The following SPIC variants were observed in gnomAD, a reference collection of about 807,000 sequenced individuals.
The protein encoded by SPIC is transcription factor Spi-C.
SPIC carries 9 observed loss-of-function variants against 16.7 expected under a neutral mutation model. That is an observed-to-expected ratio of 0.54 (90% CI 0.33 to 0.94). SPIC has a LOEUF of 0.94. Ranked by LOEUF, SPIC falls within the 40% of genes least tolerant of loss-of-function variation. SPIC has a pLI of 0.03. For missense variants in SPIC, 241 were observed against 285.8 expected (o/e 0.84, Z 1.13); for synonymous variants, 97 against 102.9 (o/e 0.94, Z 0.35).
intron 2 of SPIC, 123 bp from the exon 3 acceptor site, chr12:101,477,435 C>T (rs758109430): frequency 6.8e-6 from 6 of 880,004 alleles, no homozygotes; most frequent in Non-Finnish European, 1.1e-5. Flanking sequence ...AGACAGCCAA[C>T]ACCAAATGCC....
At chr12:101,479,316 AAAG>A (rs1319308924) in intron 3 of SPIC, among the ~76,000 whole-genome samples, 1 of 129,098 alleles carries the variant, frequency 7.7e-6, no homozygotes, top group African/African-American at 3.0e-5. Context: ...AAAAAGAAAG[AAAG>A]AAAGAAAGAA....
At chr12:101,479,311 GAAAGAAAGAAAGAAAGAAAGAAA>G (rs1873107371) in intron 3 of SPIC, among the ~76,000 whole-genome samples, 1 of 102,380 alleles carries the variant, frequency 9.8e-6, no homozygotes. Context: ...AAAGAAAAAA[GAAAGAAAGAAAGAAAGAAAGAAA>G]GAAAGAAAGA....
At chr12:101,479,818 C>CT (rs35835395) in intron 4 of SPIC, 124 bp downstream of exon 4, 172,036 of 362,326 alleles carry the variant, frequency 0.47, 31,148 homozygotes, top group African/African-American at 0.71. Flanking sequence ...TTTTTTCTTT[C>CT]TTTTTTTTTT....
Position 101,482,905 on chromosome 12 carries a change from G to C in SPIC, c.319+5G>C. 6.2e-7 allele frequency: 1 copy of C among 1,611,630 alleles called. No individual in the cohort carries two copies. Among genetic ancestry groups the C allele is most frequent in the Non-Finnish European group, 8.5e-7 (1 of 1,178,022 alleles). On this transcript the variant is annotated splice_donor_5th_base_variant and intron_variant, in intron 5 of 5. Transcript: ENST00000551346. ...TCCAGCAAAAGGGGGGAAAAGGTAC[G>C]TTGATCCATCATTCGTTATACAGGT...
chr12:101,477,362 T>C (rs1425497277), intron 2 of SPIC, among the ~76,000 whole-genome samples, 196 bp from the exon 3 acceptor site: 1 of 152,004 alleles, frequency 6.6e-6, no homozygotes, highest in Non-Finnish European at 1.5e-5. Context: ...TGGCAACCAG[T>C]GGGTAGGGGT....
At position 101,486,518 on chromosome 12, in the gene SPIC, C is replaced by T; in HGVS notation, c.494C>T (p.Thr165Ile). 6.2e-7 allele frequency: 1 copy of T among 1,614,204 alleles called. No homozygotes were observed. Residue 165 changes from threonine to isoleucine, a missense_variant, in exon 6 of 6, where the codon ACT becomes ATT. By Grantham distance (89) the Thr-to-Ile change is moderately conservative. Transcript: ENST00000551346. Reference protein sequence around the residue: ...GKRKGNRKTMTYQKMARALRN... With the variant: ...GKRKGNRKTMIYQKMARALRN... The stretch of plus-strand genomic sequence containing the variant: ...AGAAAAGGCAACAGGAAGACCATGA[C>T]TTACCAGAAAATGGCCAGGGCACTC...
At chr12:101,482,140 G>C (rs1422746313) in intron 4 of SPIC, among the ~76,000 whole-genome samples, 2 of 150,992 alleles carry the variant, frequency 1.3e-5, no homozygotes, top group Non-Finnish European at 3.0e-5. Context: ...GCTGAGGCAG[G>C]AGAATCGCTT....
chr12:101,484,377 T>TA (rs1171478426), intron 5 of SPIC, among the ~76,000 whole-genome samples: 62 of 150,842 alleles, frequency 4.1e-4, no homozygotes, highest in East Asian at 1.4e-3. Flanking sequence ...CTACAAAAAA[T>TA]AAAAAAAATT....
chr12:101,483,087 T>TTTTG lies in SPIC; in HGVS notation c.319+190_319+191insGTTT, dbSNP rs1293611029. 6.0e-5 allele frequency among the ~76,000 whole-genome samples: 3 copies of TTTTG among 49,752 alleles called. No individual in the cohort carries two copies. In the East Asian group the frequency reaches 6.4e-4, roughly 11 times the overall value. The allele number at this position is 49,752 out of a possible 152,430, so 32.6% of individuals were successfully genotyped here. A position where few individuals can be genotyped will look rare whatever the true frequency, so the allele number is the denominator to read the frequency against. ...TTCATCTTGGGTGAGACTTCCTGTG[T>TTTTG]TTTTTTTTTTTTTTTTCTGAGACAG... On this transcript the variant is annotated intron_variant, in intron 5 of 5. Transcript: ENST00000551346.
chr12:101,486,319 T>C (rs1414990894), intron 5 of SPIC, 25 bp from the exon 6 acceptor site: 1 of 1,583,026 alleles, frequency 6.3e-7, no homozygotes, highest in South Asian at 1.2e-5. Flanking sequence ...ACGGTGGAGT[T>C]TGACCTTGTT....
intron 4 of SPIC, among the ~76,000 whole-genome samples, chr12:101,481,949 G>A (rs1873213534): frequency 7.5e-6 from 1 of 132,926 alleles, no homozygotes. Flanking sequence ...CACCATGCCT[G>A]GCGTACAAAA....
At chr12:101,479,284 A>AGG (rs1384765311) in intron 3 of SPIC, among the ~76,000 whole-genome samples, 1,238 of 61,342 alleles carry the variant, frequency 0.02, 99 homozygotes, top group Middle Eastern at 0.057. Context: ...GAAAGAAAGA[A>AGG]AAAGAAAGAA....
chr12:101,482,477 A>G (rs1439427326), intron 4 of SPIC, among the ~76,000 whole-genome samples: 1 of 152,140 alleles, frequency 6.6e-6, no homozygotes, highest in African/African-American at 2.4e-5. Flanking sequence ...CTACATGGGC[A>G]TCCAACACAG....
rs367699711 is a variant in SPIC, at chr12:101,483,396, A to G, written c.319+496A>G. ...ATAACACATAGAGCTGTCATCTCCT[A>G]TGATAACAGCGCCTTCTGGAATACC... On this transcript the variant is annotated intron_variant, in intron 5 of 5. Coordinates refer to ENST00000551346, the MANE Select transcript of SPIC (RefSeq NM_152323.3). Among the ~76,000 whole-genome samples, 21 of 152,188 alleles carry G rather than the reference A, an allele frequency of 1.4e-4. 1 individual carries two copies. The highest frequency in any genetic ancestry group is 4.3e-4 in the African/African-American group (18 of 41,526).
chr12:101,479,217 AAAGAAGG>A (rs1565831101), intron 3 of SPIC, among the ~76,000 whole-genome samples: 23 of 128,274 alleles, frequency 1.8e-4, no homozygotes, highest in South Asian at 5.6e-4. Context: ...AGAAAGAAAG[AAAGAAGG>A]AAAGAAAGAA....
chr12:101,477,972 C>T (rs1406688185), intron 3 of SPIC, among the ~76,000 whole-genome samples: 1 of 152,060 alleles, frequency 6.6e-6, no homozygotes, highest in Non-Finnish European at 1.5e-5. Context: ...CGAGATGGCG[C>T]CACTGTATTC....
rs780106040 is a variant in SPIC at position 101,486,716 on chromosome 12, C to A, written c.692C>A (p.Ala231Glu). 6 of 1,604,246 alleles carry A rather than the reference C, an allele frequency of 3.7e-6. No individual in the cohort carries two copies. The South Asian group carries it at 6.7e-5, about 18-fold the overall frequency. ...TATCTCAGTTTAAATAACTGGAATG[C>A]AAATTATAATTATACATATGCCAAT... Reference protein sequence around the residue: ...QEYLSLNNWNANYNYTYANYH... With the variant: ...QEYLSLNNWNENYNYTYANYH... The change falls in exon 6 of 6, where the codon GCA (alanine) becomes GAA (glutamate). Residue 231 changes from alanine (A) to glutamate (E), a missense_variant. Physicochemically the swap from Ala to Glu is moderately radical, Grantham distance 107. Coordinates refer to ENST00000551346, the MANE Select transcript of SPIC (RefSeq NM_152323.3).
intron 5 of SPIC, among the ~76,000 whole-genome samples, chr12:101,485,051 A>G (rs182162849): frequency 6.6e-6 from 1 of 152,314 alleles, no homozygotes; most frequent in Admixed American, 6.5e-5. Flanking sequence ...TTCTCAATTC[A>G]TAAACTCAAG....
chr12:101,477,871 G>T (rs1202268150), intron 3 of SPIC, among the ~76,000 whole-genome samples: 22 of 152,024 alleles, frequency 1.4e-4, no homozygotes, highest in Non-Finnish European at 1.3e-4. Flanking sequence ...ACAAAAATTA[G>T]CTAGGCATGG....
Sources: allele counts gnomAD v4.1 joint callset (sites outside exome capture counted in the v4.1 genomes callset), GRCh38; gene constraint gnomAD v4.1.1; transcripts MANE v1.5; gene names NCBI Gene and HGNC (gene_info 2026-07-23, HGNC 2026-07-21).